The following CST11 variants were observed in gnomAD, a reference collection of about 807,000 sequenced individuals.
CST11 encodes cystatin 11.
A neutral mutation model predicts 14.0 loss-of-function variants in CST11; 13 were observed. That is an observed-to-expected ratio of 0.93 (90% CI 0.60 to 1.47). The LOEUF (loss-of-function observed/expected upper bound fraction) is 1.47, where lower values mean the gene tolerates loss of function less well. Ranked by LOEUF, CST11 falls within the 40% of genes most tolerant of loss-of-function variation. The pLI, the probability that CST11 is intolerant of heterozygous loss-of-function variation, is 0.00. For missense variants in CST11, 181 were observed against 160.0 expected (o/e 1.13, Z -0.71); for synonymous variants, 64 against 57.8 (o/e 1.11, Z -0.48).
chr20:23,450,468 C>T lies in CST11; in HGVS notation c.*38G>A. On this transcript the variant is annotated 3_prime_UTR_variant, in exon 3 of 3. Coordinates refer to ENST00000377009, the MANE Select transcript of CST11 (RefSeq NM_130794.2). ...GGATTATTGCCCATTGCAGGATTCT[C>T]TCACATGCAGTGGCCGCAGTTGTAC... 7.3e-7 allele frequency: 1 copy of T among 1,376,142 alleles called. No homozygotes were observed. Among genetic ancestry groups the T allele is most frequent in the Non-Finnish European group, 1.0e-6 (1 of 987,016 alleles). 85.2% of individuals were successfully genotyped at this position (1,376,142 alleles called of 1,614,324 possible). A position where few individuals can be genotyped will look rare whatever the true frequency, so the allele number is the denominator to read the frequency against.
chr20:23,450,681 A>G, intron 2 of CST11, 92 bp from the exon 3 acceptor site: 1 of 847,866 alleles, frequency 1.2e-6, no homozygotes. Context: ...GATGGAGAAA[A>G]GGCTACCACC....
rs1436810219 is a variant in CST11, at chr20:23,452,539, G to A, written c.228+45C>T. Reference sequence around the variant, plus strand: ...TTCCTGACACCAGTGGCCACCCGATGTGGGCGTATCAGGCCTGGGGAGAGG... The same window carrying A: ...TTCCTGACACCAGTGGCCACCCGATATGGGCGTATCAGGCCTGGGGAGAGG... On this transcript the variant is annotated intron_variant, in intron 1 of 2. Coordinates refer to ENST00000377009, the MANE Select transcript of CST11 (RefSeq NM_130794.2). The A allele has an allele frequency of 4.0e-6, 5 of 1,258,400 alleles. No homozygotes were observed. In the East Asian group the frequency reaches 6.9e-5, roughly 17 times the overall value. 78.0% of individuals were successfully genotyped at this position (1,258,400 alleles called of 1,614,324 possible). A position where few individuals can be genotyped will look rare whatever the true frequency, so the allele number is the denominator to read the frequency against.
At chr20:23,450,741 G>A in intron 2 of CST11, 152 bp from the exon 3 acceptor site, 1 of 515,512 alleles carries the variant, frequency 1.9e-6, no homozygotes, top group East Asian at 2.9e-5. Context: ...ACATTTTCTG[G>A]AATGATCCCA....
intron 2 of CST11, among the ~76,000 whole-genome samples, chr20:23,451,412 G>A (rs1345837301): frequency 2.6e-5 from 4 of 152,176 alleles, no homozygotes; most frequent in Non-Finnish European, 5.9e-5. Context: ...GATGAACATG[G>A]CTGGATGAAA....
chr20:23,450,917 C>T (rs1309946625), intron 2 of CST11, among the ~76,000 whole-genome samples: 1 of 152,166 alleles, frequency 6.6e-6, no homozygotes, highest in African/African-American at 2.4e-5. Flanking sequence ...TTTGTCCTCT[C>T]TTGGCTCCAT....
chr20:23,450,823 C>T (rs941178497), intron 2 of CST11, among the ~76,000 whole-genome samples: 1 of 152,218 alleles, frequency 6.6e-6, no homozygotes, highest in African/African-American at 2.4e-5. Flanking sequence ...AGTGTCTGCG[C>T]AGCCCATATT....
rs1987099923 is a variant in CST11 at position 23,451,861 on chromosome 20, C to T, written c.288G>A (p.Lys96=). The T allele has an allele frequency of 6.2e-7, 1 of 1,614,092 alleles. No individual in the cohort carries two copies. The highest frequency in any genetic ancestry group is 8.5e-7 in the Non-Finnish European group (1 of 1,179,954). ...GGGGGACACAGTTCGTGGTCTCTGG[C>T]TTTTGGCAGGTGGTCCACTGCATTT... ...NVEMQWTTCQ[K]PETTNCVPQE... is the part of the protein sequence containing the mutation. Residue 96 remains lysine, a synonymous_variant, in exon 2 of 3, where the codon AAG becomes AAA. Transcript: ENST00000377009.
In CST11 at chr20:23,452,781, G is replaced by GCTGTAGGGCCTGCCAGGGCT. The variant is rs778413895; in HGVS notation, c.11_30dup (p.Leu11SerfsTer14). The GCTGTAGGGCCTGCCAGGGCT allele has an allele frequency of 3.1e-6, 5 of 1,613,990 alleles. No individual in the cohort carries two copies. The highest frequency in any genetic ancestry group is 3.4e-6 in the Non-Finnish European group (4 of 1,179,960). On this transcript the variant is annotated frameshift_variant, in exon 1 of 3. Coordinates refer to ENST00000377009, the MANE Select transcript of CST11 (RefSeq NM_130794.2). LOFTEE classifies it high-confidence loss of function. ...AGAGTCAATAGAATGGCCAACAGGA[G>GCTGTAGGGCCTGCCAGGGCT]CTGTAGGGCCTGCCAGGGCTCAGCC...
rs1403601348 is a variant in CST11, at chr20:23,450,781, A to C, written c.334-192T>G. Reference sequence around the variant, plus strand: ...TGTTACTATCAAGCGGCTGAAATCAAAATAAATATCAAACAAGATATTTAG... The same window carrying C: ...TGTTACTATCAAGCGGCTGAAATCACAATAAATATCAAACAAGATATTTAG... On this transcript the variant is annotated intron_variant, in intron 2 of 2. Coordinates refer to ENST00000377009, the MANE Select transcript of CST11 (RefSeq NM_130794.2). Among the ~76,000 whole-genome samples the C allele has an allele frequency of 2.6e-5, 4 of 152,248 alleles. No homozygotes were observed. In the East Asian group the frequency reaches 5.8e-4, roughly 22 times the overall value.
At chr20:23,452,046 C>T (rs1163789002) in intron 1 of CST11, 126 bp from the exon 2 acceptor site, 1 of 612,734 alleles carries the variant, frequency 1.6e-6, no homozygotes, top group South Asian at 2.0e-5. Flanking sequence ...GATTAGCGGG[C>T]TCCTCTCTCC....
chr20:23,452,723 G>T lies in CST11; in HGVS notation c.89C>A (p.Thr30Asn). ...MALPYQARKK[T>N]FLSVHEVMAV... ...CATCACTTCATGGACGCTTAGAAAG[G>T]TTTTCTTCCTTGCTTGGTAGGGGAG... The change falls in exon 1 of 3, where the codon ACC becomes AAC. Residue 30 changes from threonine (T) to asparagine (N), a missense_variant. By Grantham distance (65) the Thr-to-Asn change is moderately conservative (BLOSUM62 0). Transcript: ENST00000377009. The T allele has an allele frequency of 6.2e-7, 1 of 1,614,178 alleles. No homozygotes were observed. Among genetic ancestry groups the T allele is most frequent in the Non-Finnish European group, 8.5e-7 (1 of 1,180,006 alleles).
At chr20:23,452,099 A>G (rs1194381114) in intron 1 of CST11, among the ~76,000 whole-genome samples, 179 bp from the exon 2 acceptor site, 1 of 152,228 alleles carries the variant, frequency 6.6e-6, no homozygotes, top group African/African-American at 2.4e-5. Context: ...AAGAGAATTA[A>G]CCAGAAACCA....
chr20:23,452,834 A>G lies in CST11; in HGVS notation c.-23T>C, dbSNP rs1414777643. 9.5e-6 allele frequency: 15 copies of G among 1,575,362 alleles called. No homozygotes were observed. The highest frequency in any genetic ancestry group is 1.2e-5 in the Non-Finnish European group (14 of 1,147,700). ...CATCCTTCAGCTGCAGAGGAACAGG[A>G]AGAGTGTTCTCTGTACTCCTCAGGG... On this transcript the variant is annotated 5_prime_UTR_variant, in exon 1 of 3. Transcript: ENST00000377009.
At position 23,451,856 on chromosome 20, in the gene CST11, T is replaced by A; in HGVS notation, c.293A>T (p.Glu98Val). The change falls in exon 2 of 3, where the codon GAG becomes GTG. Residue 98 changes from glutamate (E) to valine (V), a missense_variant. Glu to Val is a moderately radical substitution (Grantham distance 121). Transcript: ENST00000377009. ...EMQWTTCQKP[E>V]TTNCVPQERE... ...TTCCTGGGGGACACAGTTCGTGGTC[T>A]CTGGCTTTTGGCAGGTGGTCCACTG... The A allele has an allele frequency of 6.2e-7, 1 of 1,614,160 alleles. No homozygotes were observed. Among genetic ancestry groups the A allele is most frequent in the Non-Finnish European group, 8.5e-7 (1 of 1,179,976 alleles).
At chr20:23,452,547 A>G (rs1600276771) in intron 1 of CST11, 37 bp downstream of exon 1, 4 of 1,260,818 alleles carry the variant, frequency 3.2e-6, no homozygotes, top group Non-Finnish European at 4.7e-6. Context: ...ATGTGGGCGT[A>G]TCAGGCCTGG....
intron 2 of CST11, among the ~76,000 whole-genome samples, chr20:23,451,489 G>C (rs372138660): frequency 1.1e-3 from 165 of 152,248 alleles, no homozygotes; most frequent in African/African-American, 3.9e-3. Flanking sequence ...TTCAGTCAGC[G>C]CACCTGACAG....
chr20:23,451,217 C>G (rs1045908219), intron 2 of CST11, among the ~76,000 whole-genome samples: 1 of 152,218 alleles, frequency 6.6e-6, no homozygotes, highest in Non-Finnish European at 1.5e-5. Flanking sequence ...ATCCATCTGT[C>G]CATTGCACCA....
At chr20:23,450,655 G>C (rs957514340) in intron 2 of CST11, 66 bp from the exon 3 acceptor site, 17 of 1,238,198 alleles carry the variant, frequency 1.4e-5, no homozygotes, top group Non-Finnish European at 1.7e-5. Flanking sequence ...AGAAGGAAGA[G>C]GATGTAAGAC....
chr20:23,450,665 C>T, intron 2 of CST11, 76 bp from the exon 3 acceptor site: 2 of 1,096,940 alleles, frequency 1.8e-6, no homozygotes, highest in Non-Finnish European at 2.6e-6. Context: ...GGATGTAAGA[C>T]ACGAAGATGG....
Sources: gnomAD v4.1 joint callset for allele counts (sites outside exome capture counted in the v4.1 genomes callset) on GRCh38, gnomAD v4.1.1 for gene constraint, MANE v1.5 for transcripts, NCBI Gene and HGNC (gene_info 2026-07-23, HGNC 2026-07-21) for gene names.